The following TBX5 variants were observed in gnomAD, a reference collection of about 807,000 sequenced individuals.
TBX5 encodes T-box transcription factor 5, also known as T-box transcription factor TBX5.
TBX5 carries 8 observed loss-of-function variants against 51.1 expected under a neutral mutation model. That is an observed-to-expected ratio of 0.16 (90% CI 0.09 to 0.28). The LOEUF (loss-of-function observed/expected upper bound fraction) is 0.28. Ranked by LOEUF, TBX5 falls within the 10% of genes least tolerant of loss-of-function variation. TBX5 has a pLI of 1.00. For synonymous variants in TBX5, 302 were observed against 266.4 expected, an observed-to-expected ratio of 1.13 and a Z score of -1.30; for missense variants, 589 against 671.7, an observed-to-expected ratio of 0.88 and a Z score of 1.36.
At chr12:114,389,561 C>T (rs964388930) in intron 6 of TBX5, among the ~76,000 whole-genome samples, 14 of 149,098 alleles carry the variant, frequency 9.4e-5, no homozygotes, top group Admixed American at 8.7e-4. Flanking sequence ...GAGACCATCC[C>T]GGCTAAAACG....
chr12:114,388,739 C>CTTT (rs36014296), intron 6 of TBX5, among the ~76,000 whole-genome samples: 6 of 96,910 alleles, frequency 6.2e-5, no homozygotes, highest in African/African-American at 1.2e-4. Flanking sequence ...CTCCCTCAAC[C>CTTT]TTTTTTTTTT....
At position 114,389,753 on chromosome 12, in the gene TBX5, C is replaced by CAAAAAAAAA. The variant is rs55649814; in HGVS notation, c.664-4195_664-4187dup. 4.2e-4 allele frequency among the ~76,000 whole-genome samples: 17 copies of CAAAAAAAAA among 40,272 alleles called. 1 individual carries two copies. Among genetic ancestry groups the CAAAAAAAAA allele is most frequent in the Non-Finnish European group, 6.2e-4 (14 of 22,670 alleles). 26.4% of individuals were successfully genotyped at this position (40,272 alleles called of 152,430 possible). A position where few individuals can be genotyped will look rare whatever the true frequency, so the allele number is the denominator to read the frequency against. On this transcript the variant is annotated intron_variant, in intron 6 of 8. Coordinates refer to ENST00000405440, the MANE Select transcript of TBX5 (RefSeq NM_181486.4). Reference sequence around the variant, plus strand: ...TGGGCGACAGAGCGAGACTCCGTCTCAAAAAAAAAAAAAAAAAAAAAAAAA... The same window carrying CAAAAAAAAA: ...TGGGCGACAGAGCGAGACTCCGTCTCAAAAAAAAAAAAAAAAAAAAAAAAAAAAAAAAAA...
intron 6 of TBX5, 43 bp downstream of exon 6, chr12:114,394,698 G>T: frequency 1.2e-6 from 2 of 1,613,368 alleles, no homozygotes; most frequent in South Asian, 2.2e-5. Context: ...GCAAAAGAAA[G>T]AGCAGACGGC....
At chr12:114,399,413 CTA>C in intron 4 of TBX5, 98 bp downstream of exon 4, 1 of 1,247,930 alleles carries the variant, frequency 8.0e-7, no homozygotes, top group African/African-American at 1.7e-5. Context: ...ACAGTAGGAA[CTA>C]AAAAAAAAAA....
At chr12:114,394,628 G>A in intron 6 of TBX5, 113 bp downstream of exon 6, 1 of 1,461,632 alleles carries the variant, frequency 6.8e-7, no homozygotes, top group South Asian at 1.1e-5. Flanking sequence ...TGGGGTCGAA[G>A]TTGGTGACTG....
intron 1 of TBX5, among the ~76,000 whole-genome samples, 193 bp from the exon 2 acceptor site, chr12:114,404,129 G>A (rs1021830221): frequency 1.3e-5 from 2 of 152,188 alleles, no homozygotes; most frequent in Non-Finnish European, 2.9e-5. Context: ...ATTCCTAGTA[G>A]TATTACTATT....
intron 3 of TBX5, among the ~76,000 whole-genome samples, chr12:114,399,846 T>A (rs1032515451): frequency 5.3e-5 from 8 of 152,164 alleles, no homozygotes; most frequent in African/African-American, 1.9e-4. Flanking sequence ...GGCGGGCAAC[T>A]GTAGGTAACC....
chr12:114,386,783 G>A lies in TBX5; in HGVS notation c.664-1216C>T, dbSNP rs186480622. On this transcript the variant is annotated intron_variant, in intron 6 of 8. Coordinates refer to ENST00000405440, the MANE Select transcript of TBX5 (RefSeq NM_181486.4). ...AGACTCCCTCTCTAATAGAAGACTA[G>A]AAAGATAATTTTAAAAAGAACAACT... 3.2e-3 allele frequency among the ~76,000 whole-genome samples: 482 copies of A among 152,142 alleles called. 2 individuals are homozygous for A. Among genetic ancestry groups the A allele is most frequent in the Non-Finnish European group, 5.0e-3 (337 of 68,000 alleles).
intron 7 of TBX5, among the ~76,000 whole-genome samples, chr12:114,375,392 A>G (rs1870133464): frequency 1.3e-5 from 2 of 152,168 alleles, no homozygotes; most frequent in African/African-American, 4.8e-5. Flanking sequence ...TGTGATGTCT[A>G]CCAAAAGTTT....
intron 6 of TBX5, among the ~76,000 whole-genome samples, chr12:114,393,202 C>T (rs1871252102): frequency 6.6e-6 from 1 of 152,184 alleles, no homozygotes; most frequent in Non-Finnish European, 1.5e-5. Context: ...CCGGCCTCTC[C>T]TGTCCAGTCC....
intron 8 of TBX5, 50 bp from the exon 9 acceptor site, chr12:114,356,156 G>T: frequency 6.4e-7 from 1 of 1,566,514 alleles, no homozygotes; most frequent in Non-Finnish European, 8.7e-7. Flanking sequence ...GCACCAGGCA[G>T]CTAAAAGTGG....
At chr12:114,394,475 G>T (rs752591233) in intron 6 of TBX5, among the ~76,000 whole-genome samples, 1 of 152,224 alleles carries the variant, frequency 6.6e-6, no homozygotes, top group Non-Finnish European at 1.5e-5. Flanking sequence ...GTATTTGAGT[G>T]TGTGGCCCAT....
intron 6 of TBX5, among the ~76,000 whole-genome samples, chr12:114,393,285 C>A (rs372719643): frequency 6.6e-6 from 1 of 151,864 alleles, no homozygotes; most frequent in Non-Finnish European, 1.5e-5. Flanking sequence ...GAGGGGCACA[C>A]CATCTCCACA....
chr12:114,400,393 C>G (rs1317739885), intron 3 of TBX5, among the ~76,000 whole-genome samples: 2 of 152,280 alleles, frequency 1.3e-5, no homozygotes, highest in African/African-American at 4.8e-5. Context: ...CGTTATCAAG[C>G]CGATGGCCCG....
Position 114,355,261 on chromosome 12 carries a change from T to G in TBX5, c.*271A>C. On this transcript the variant is annotated 3_prime_UTR_variant, in exon 9 of 9. Transcript: ENST00000405440. ...GAGTAGCGTGAATGTGGCTGGTTGA[T>G]GGGTGTGGTGGTAGTGGGGGGTGGG... 2.8e-5 allele frequency: 14 copies of G among 491,472 alleles called. No individual in the cohort carries two copies. The highest frequency in any genetic ancestry group is 8.5e-5 in the East Asian group (2 of 23,466). The allele number at this position is 491,472 out of a possible 1,614,324, so 30.4% of individuals were successfully genotyped here.
intron 8 of TBX5, among the ~76,000 whole-genome samples, chr12:114,364,216 T>G (rs769261722): frequency 9.9e-5 from 15 of 152,212 alleles, no homozygotes; most frequent in Non-Finnish European, 1.5e-4. Context: ...CCATTCCCAT[T>G]GGTTGTTAGC....
At chr12:114,384,623 C>G (rs1397956020) in intron 7 of TBX5, among the ~76,000 whole-genome samples, 1 of 151,932 alleles carries the variant, frequency 6.6e-6, no homozygotes, top group Non-Finnish European at 1.5e-5. Context: ...CTGACTCTCC[C>G]TTTTCACATC....
intron 6 of TBX5, among the ~76,000 whole-genome samples, chr12:114,386,329 T>C (rs1049402701): frequency 6.6e-6 from 1 of 152,194 alleles, no homozygotes; most frequent in African/African-American, 2.4e-5. Context: ...TATATTAGTG[T>C]GAATGTACAG....
upstream of TBX5, among the ~76,000 whole-genome samples, chr12:114,407,405 A>G (rs1244923877): frequency 6.6e-6 from 1 of 152,222 alleles, no homozygotes; most frequent in African/African-American, 2.4e-5. Flanking sequence ...ATGGCATCGG[A>G]AGAAGGCTGA....
Sources: allele counts gnomAD v4.1 joint callset (sites outside exome capture counted in the v4.1 genomes callset), GRCh38; gene constraint gnomAD v4.1.1; transcripts MANE v1.5; gene names NCBI Gene and HGNC (gene_info 2026-07-23, HGNC 2026-07-21).